NCAM2: variants seen among roughly 807,000 people sequenced by gnomAD.
NCAM2 encodes N-CAM-2.
In NCAM2, 30 loss-of-function variants were observed where a neutral mutation model predicts 98.1. The observed-to-expected ratio is 0.31, with a 90% confidence interval of 0.23 to 0.41. The LOEUF (loss-of-function observed/expected upper bound fraction) is 0.41, where lower values mean the gene tolerates loss of function less well. Among genes scored for constraint, NCAM2 ranks in the 10% least tolerant of loss-of-function variants. The pLI is 1.00. For missense variants in NCAM2, 867 were observed against 1,005.8 expected (o/e 0.86, Z 1.87); for synonymous variants, 368 against 342.4 (o/e 1.07, Z -0.83).
intron 1 of NCAM2, among the ~76,000 whole-genome samples, chr21:21,112,964 G>A (rs1302301218): frequency 6.6e-6 from 1 of 152,112 alleles, no homozygotes; most frequent in African/African-American, 2.4e-5. Flanking sequence ...GGGTGCATGT[G>A]TTGCTTTTCT....
chr21:21,467,440 A>ATATG (rs922879197), intron 13 of NCAM2, among the ~76,000 whole-genome samples: 12 of 139,558 alleles, frequency 8.6e-5, no homozygotes, highest in African/African-American at 3.7e-4. Flanking sequence ...ATATATATAT[A>ATATG]TATGTTAGGA....
rs79967975 is a variant in NCAM2, at chr21:21,019,052, G to A, written c.55+20434G>A. Among the ~76,000 whole-genome samples, 708 of 152,308 alleles carry A rather than the reference G, an allele frequency of 4.6e-3. 10 individuals carry two copies. Among genetic ancestry groups the A allele is most frequent in the African/African-American group, 0.017 (697 of 41,576 alleles). On this transcript the variant is annotated intron_variant, in intron 1 of 17. Transcript: ENST00000400546. ...TCCTGCCAGCACATGGCAGTTCCAG[G>A]CATTGAGGCCAATGACTGCTTAGTG...
At chr21:21,312,947 G>C (rs2074103065) in intron 5 of NCAM2, among the ~76,000 whole-genome samples, 1 of 151,402 alleles carries the variant, frequency 6.6e-6, no homozygotes, top group Non-Finnish European at 1.5e-5. Flanking sequence ...TTTATTTTGA[G>C]TAACTTTGTG....
intron 1 of NCAM2, among the ~76,000 whole-genome samples, chr21:21,070,988 G>A (rs2065550783): frequency 6.6e-6 from 1 of 152,016 alleles, no homozygotes; most frequent in South Asian, 2.1e-4. Context: ...GAAGGCAAAT[G>A]GGAAATAAAG....
At chr21:21,534,403 A>G (rs1232457394) in intron 16 of NCAM2, 134 bp from the exon 17 acceptor site, 2 of 633,746 alleles carry the variant, frequency 3.2e-6, no homozygotes, top group Non-Finnish European at 2.4e-6. Flanking sequence ...AGCATTTCTC[A>G]GTGGTTTTCT....
chr21:21,495,913 A>G (rs565526482), intron 15 of NCAM2, among the ~76,000 whole-genome samples: 1 of 151,462 alleles, frequency 6.6e-6, no homozygotes, highest in South Asian at 2.1e-4. Context: ...CAAGAGGTAA[A>G]CAATAAATTA....
intron 5 of NCAM2, among the ~76,000 whole-genome samples, chr21:21,300,429 G>C (rs372960303): frequency 6.6e-6 from 1 of 151,946 alleles, no homozygotes; most frequent in Non-Finnish European, 1.5e-5. Flanking sequence ...GAAACTTTCT[G>C]GTCCATCATA....
intron 1 of NCAM2, among the ~76,000 whole-genome samples, chr21:21,019,679 A>G (rs1018645430): frequency 6.6e-6 from 1 of 152,200 alleles, no homozygotes; most frequent in African/African-American, 2.4e-5. Flanking sequence ...AAAATATTCA[A>G]AGAAAATTTG....
intron 1 of NCAM2, among the ~76,000 whole-genome samples, chr21:21,104,316 T>C (rs1440033898): frequency 3.9e-5 from 6 of 152,174 alleles, no homozygotes; most frequent in African/African-American, 1.4e-4. Flanking sequence ...TATATCTGCA[T>C]GTCAAATGCA....
At chr21:21,067,997 T>C (rs558009938) in intron 1 of NCAM2, among the ~76,000 whole-genome samples, 1 of 152,270 alleles carries the variant, frequency 6.6e-6, no homozygotes, top group African/African-American at 2.4e-5. Flanking sequence ...GCTCAGTTTC[T>C]TGATGAAAGA....
chr21:21,356,557 A>G (rs2075485271), intron 8 of NCAM2, among the ~76,000 whole-genome samples: 1 of 152,194 alleles, frequency 6.6e-6, no homozygotes, highest in Non-Finnish European at 1.5e-5. Context: ...AAATATAAGC[A>G]GTGACTTAAT....
intron 16 of NCAM2, among the ~76,000 whole-genome samples, chr21:21,517,889 G>C (rs925461130): frequency 1.3e-5 from 2 of 152,062 alleles, no homozygotes; most frequent in Admixed American, 1.3e-4. Context: ...CCTTGTAAGA[G>C]AGTACCATTT....
intron 1 of NCAM2, among the ~76,000 whole-genome samples, chr21:21,102,101 T>A (rs977431380): frequency 6.6e-6 from 1 of 151,976 alleles, no homozygotes; most frequent in African/African-American, 2.4e-5. Context: ...AGTGCCATGA[T>A]GAGAGAGCCC....
chr21:21,271,383 T>C (rs1411292557), intron 1 of NCAM2, among the ~76,000 whole-genome samples: 2 of 152,182 alleles, frequency 1.3e-5, no homozygotes, highest in Non-Finnish European at 1.5e-5. Context: ...ATTTCATATG[T>C]GTTAAGTGCT....
At chr21:21,284,100 A>T in intron 2 of NCAM2, 94 bp from the exon 3 acceptor site, 1 of 922,032 alleles carries the variant, frequency 1.1e-6, no homozygotes, top group South Asian at 1.7e-5. Flanking sequence ...TTTTTTTTCT[A>T]AATGGTTAAT....
chr21:21,093,216 T>G (rs2066049396), intron 1 of NCAM2, among the ~76,000 whole-genome samples: 1 of 152,094 alleles, frequency 6.6e-6, no homozygotes, highest in Admixed American at 6.6e-5. Context: ...CTGTCTCCTG[T>G]GTGGAGACGT....
chr21:21,195,063 A>G (rs1205764902), intron 1 of NCAM2, among the ~76,000 whole-genome samples: 2 of 152,200 alleles, frequency 1.3e-5, no homozygotes, highest in Admixed American at 6.5e-5. Context: ...AAAGGAGTAG[A>G]GAAGATGTTA....
chr21:21,130,564 G>C (rs2066913228), intron 1 of NCAM2, among the ~76,000 whole-genome samples: 1 of 152,062 alleles, frequency 6.6e-6, no homozygotes. Context: ...AATTCCGATA[G>C]ATTATTGGTA....
intron 1 of NCAM2, among the ~76,000 whole-genome samples, chr21:21,128,185 G>T (rs1278318661): frequency 6.6e-6 from 1 of 151,970 alleles, no homozygotes; most frequent in Non-Finnish European, 1.5e-5. Context: ...GTGTTAGCTT[G>T]TTTGTGGTGG....
Sources: allele counts gnomAD v4.1 joint callset (sites outside exome capture counted in the v4.1 genomes callset), GRCh38; gene constraint gnomAD v4.1.1; transcripts MANE v1.5; gene names NCBI Gene and HGNC (gene_info 2026-07-23, HGNC 2026-07-21).